Variants in RRP15 observed in about 807,000 individuals in gnomAD.
RRP15 encodes RRP15-like protein.
RRP15 carries 18 observed loss-of-function variants against 27.1 expected under a neutral mutation model. The observed-to-expected ratio is 0.66, with a 90% confidence interval of 0.46 to 0.98. The LOEUF is 0.98. RRP15 is among the 50% of genes least tolerant of loss of function. The pLI is 0.00. For synonymous variants in RRP15, 107 were observed against 109.4 expected (o/e 0.98, Z 0.14); for missense variants, 359 against 337.8 (o/e 1.06, Z -0.49).
intron 1 of RRP15, among the ~76,000 whole-genome samples, chr1:218,291,830 C>A (rs944406595): frequency 6.7e-5 from 10 of 150,136 alleles, no homozygotes; most frequent in African/African-American, 2.4e-4. Context: ...GCGGCTGGCC[C>A]CCCACTCCCC....
chr1:218,285,322 A>T lies in RRP15; in HGVS notation c.6A>T (p.Ala2=). The T allele has an allele frequency of 6.2e-7, 1 of 1,612,142 alleles. No homozygotes were observed. The highest frequency in any genetic ancestry group is 8.5e-7 in the Non-Finnish European group (1 of 1,179,508). The change falls in exon 1 of 5, where the codon GCA becomes GCT. Residue 2 remains alanine (A), a synonymous_variant. Coordinates refer to ENST00000366932, the MANE Select transcript of RRP15 (RefSeq NM_016052.4). M[A]AAAPDSRVSE... is the part of the protein sequence containing the mutation. ...GACGCTTCCGGCGCAGAAAAATGGC[A>T]GCCGCCGCTCCGGACTCACGTGTGA...
At chr1:218,317,320 A>G (rs1274325864) in intron 4 of RRP15, among the ~76,000 whole-genome samples, 4 of 152,170 alleles carry the variant, frequency 2.6e-5, no homozygotes, top group Non-Finnish European at 4.4e-5. Flanking sequence ...CCAATAGAAA[A>G]CTTCTCTTCC....
rs1189297096 is a variant in RRP15, at chr1:218,319,157, C to T, written c.705+11525C>T. On this transcript the variant is annotated intron_variant, in intron 4 of 4. Transcript: ENST00000366932. Reference sequence around the variant, plus strand: ...TCGGCTCACTGCAACCTCCACCTCCCGGGTTCAAGTGGTTCTCCTACCTCA... The same window carrying T: ...TCGGCTCACTGCAACCTCCACCTCCTGGGTTCAAGTGGTTCTCCTACCTCA... Among the ~76,000 whole-genome samples the T allele has an allele frequency of 6.6e-5, 10 of 151,930 alleles. No homozygotes were observed. The South Asian group carries it at 1.0e-3, about 16-fold the overall frequency.
At chr1:218,308,865 G>A (rs931245561) in intron 4 of RRP15, among the ~76,000 whole-genome samples, 2 of 152,202 alleles carry the variant, frequency 1.3e-5, no homozygotes, top group Non-Finnish European at 2.9e-5. Flanking sequence ...ATTCTCGCTA[G>A]TAACATTTTA....
chr1:218,320,018 T>G (rs1656161115), intron 4 of RRP15, among the ~76,000 whole-genome samples: 1 of 126,892 alleles, frequency 7.9e-6, no homozygotes, highest in East Asian at 2.1e-4. Context: ...GTACCTTAGG[T>G]TTTTTTTTTT....
At chr1:218,298,363 C>T (rs888919064) in intron 1 of RRP15, among the ~76,000 whole-genome samples, 1 of 152,160 alleles carries the variant, frequency 6.6e-6, no homozygotes, top group African/African-American at 2.4e-5. Flanking sequence ...AATTCTATTA[C>T]AATTTGGCTA....
intron 1 of RRP15, among the ~76,000 whole-genome samples, chr1:218,300,773 A>ATTTCT (rs1655799365): frequency 6.6e-6 from 1 of 152,232 alleles, no homozygotes; most frequent in African/African-American, 2.4e-5. Context: ...AGAAGGTAGA[A>ATTTCT]ACAGCGGTTA....
intron 4 of RRP15, among the ~76,000 whole-genome samples, chr1:218,309,523 A>G (rs1655957133): frequency 6.6e-6 from 1 of 152,036 alleles, no homozygotes; most frequent in Admixed American, 6.5e-5. Context: ...TCTCTACTAA[A>G]AATACAAAAA....
chr1:218,325,205 C>G (rs1224874039), intron 4 of RRP15, among the ~76,000 whole-genome samples: 1 of 152,204 alleles, frequency 6.6e-6, no homozygotes, highest in Non-Finnish European at 1.5e-5. Context: ...CATGCCGTCC[C>G]ACGGAGTCAC....
At chr1:218,318,108 G>A (rs1316710430) in intron 4 of RRP15, among the ~76,000 whole-genome samples, 2 of 151,984 alleles carry the variant, frequency 1.3e-5, no homozygotes, top group African/African-American at 4.8e-5. Flanking sequence ...TTTCTACTTA[G>A]GTTTAAAAGT....
At position 218,298,730 on chromosome 1, in the gene RRP15, T is replaced by C. The variant is rs1222320505; in HGVS notation, c.140-3564T>C. 2.0e-5 allele frequency among the ~76,000 whole-genome samples: 3 copies of C among 152,176 alleles called. No homozygotes were observed. In the East Asian group the frequency reaches 5.8e-4, roughly 29 times the overall value. On this transcript the variant is annotated intron_variant, in intron 1 of 4. Coordinates refer to ENST00000366932, the MANE Select transcript of RRP15 (RefSeq NM_016052.4). ...AGCCACATGTGATTTAAATTTAAGG[T>C]AATTAAAGAAAATAAAAATTCAGTT...
At chr1:218,305,207 T>G (rs1655880227) in intron 3 of RRP15, 82 bp downstream of exon 3, 1 of 1,068,018 alleles carries the variant, frequency 9.4e-7, no homozygotes, top group African/African-American at 1.6e-5. Flanking sequence ...ATTTGATTCT[T>G]AAGCTCAGCC....
At chr1:218,308,238 A>G (rs1302327165) in intron 4 of RRP15, among the ~76,000 whole-genome samples, 1 of 151,134 alleles carries the variant, frequency 6.6e-6, no homozygotes, top group Non-Finnish European at 1.5e-5. Flanking sequence ...CCTCCGGCTA[A>G]TTTTTGTATT....
At chr1:218,320,176 C>T (rs955889444) in intron 4 of RRP15, among the ~76,000 whole-genome samples, 6 of 151,764 alleles carry the variant, frequency 4.0e-5, no homozygotes, top group African/African-American at 7.3e-5. Flanking sequence ...CATCATTTAG[C>T]GTTAGATATA....
chr1:218,292,582 A>G (rs114625870), intron 1 of RRP15, among the ~76,000 whole-genome samples: 1,587 of 152,372 alleles, frequency 0.01, 29 homozygotes, highest in African/African-American at 0.036. Flanking sequence ...GAATGACTGC[A>G]AAAGTGCCAT....
chr1:218,294,781 C>A (rs923801791), intron 1 of RRP15, among the ~76,000 whole-genome samples: 4 of 152,182 alleles, frequency 2.6e-5, no homozygotes, highest in Non-Finnish European at 5.9e-5. Flanking sequence ...TCCCAAACTT[C>A]TATTCCTGTC....
At chr1:218,296,315 G>T (rs143007344) in intron 1 of RRP15, among the ~76,000 whole-genome samples, 48 of 152,214 alleles carry the variant, frequency 3.2e-4, no homozygotes, top group African/African-American at 1.1e-3. Context: ...CTAAGCTTCA[G>T]AATCATCACC....
At chr1:218,315,318 A>G (rs954570880) in intron 4 of RRP15, among the ~76,000 whole-genome samples, 1 of 152,158 alleles carries the variant, frequency 6.6e-6, no homozygotes, top group Non-Finnish European at 1.5e-5. Context: ...AAAAATGTGC[A>G]TTTCTTCTGG....
intron 4 of RRP15, among the ~76,000 whole-genome samples, chr1:218,319,611 A>T (rs185027652): frequency 3.9e-4 from 59 of 152,264 alleles, no homozygotes; most frequent in African/African-American, 1.3e-3. Context: ...GTTTCTCCAA[A>T]GGGGTCTGAT....
Sources: gnomAD v4.1 joint callset for allele counts (sites outside exome capture counted in the v4.1 genomes callset) on GRCh38, gnomAD v4.1.1 for gene constraint, MANE v1.5 for transcripts, NCBI Gene and HGNC (gene_info 2026-07-23, HGNC 2026-07-21) for gene names.